The following ABLIM3 variants were observed in gnomAD, a reference collection of about 807,000 sequenced individuals.
ABLIM3 encodes actin-binding LIM protein 3.
ABLIM3 carries 61 observed loss-of-function variants against 109.5 expected under a neutral mutation model. The observed-to-expected ratio is 0.56, with a 90% CI of 0.45 to 0.69. The LOEUF (loss-of-function observed/expected upper bound fraction) is 0.69. Ranked by LOEUF, ABLIM3 falls within the 30% of genes least tolerant of loss-of-function variation. The pLI is 0.00. For missense variants in ABLIM3, 796 were observed against 889.5 expected (o/e 0.89, Z 1.34); for synonymous variants, 300 against 324.8 (o/e 0.92, Z 0.82).
At chr5:149,182,603 G>A (rs1413893070) in intron 2 of ABLIM3, among the ~76,000 whole-genome samples, 1 of 152,092 alleles carries the variant, frequency 6.6e-6, no homozygotes, top group Non-Finnish European at 1.5e-5. Context: ...TCAGGAAAAG[G>A]GTATCTAGAA....
chr5:149,227,909 T>C (rs759969350), intron 8 of ABLIM3, among the ~76,000 whole-genome samples: 1 of 152,236 alleles, frequency 6.6e-6, no homozygotes, highest in Non-Finnish European at 1.5e-5. Context: ...GATATATCTG[T>C]AGGTATAACA....
rs180837711 is a variant in ABLIM3, at chr5:149,146,333, T to A, written c.13+4225T>A. Among the ~76,000 whole-genome samples the A allele has an allele frequency of 2.0e-3, 303 of 152,326 alleles. 2 individuals carry two copies. Among genetic ancestry groups the A allele is most frequent in the African/African-American group, 6.9e-3 (287 of 41,572 alleles). On this transcript the variant is annotated intron_variant, in intron 2 of 23. Coordinates refer to ENST00000309868, the MANE Select transcript of ABLIM3 (RefSeq NM_014945.5). The stretch of plus-strand genomic sequence containing the variant: ...CTTTAGTTTAATTAGGTCCCAGTTG[T>A]CGATTTTTGTTTTTGTTACAATTGC...
At chr5:149,252,243 G>T (rs1581249810) in intron 22 of ABLIM3, 35 bp downstream of exon 22, 1 of 1,609,484 alleles carries the variant, frequency 6.2e-7, no homozygotes, top group East Asian at 2.2e-5. Flanking sequence ...GGGTCTCCAG[G>T]ATTCTTGGAG....
At chr5:149,210,847 T>G in intron 7 of ABLIM3, 28 bp downstream of exon 7, 2 of 1,602,098 alleles carry the variant, frequency 1.2e-6, no homozygotes, top group Non-Finnish European at 1.7e-6. Context: ...ACCGTGAAGA[T>G]GTGGCAGGGT....
intron 6 of ABLIM3, among the ~76,000 whole-genome samples, chr5:149,207,876 T>C (rs1210607112): frequency 6.6e-6 from 1 of 152,232 alleles, no homozygotes; most frequent in African/African-American, 2.4e-5. Flanking sequence ...ATTAGACAAG[T>C]GTCCTCTTGT....
intron 18 of ABLIM3, among the ~76,000 whole-genome samples, chr5:149,248,560 G>A (rs1308864550): frequency 1.3e-5 from 2 of 151,816 alleles, no homozygotes; most frequent in Admixed American, 1.3e-4. Flanking sequence ...GCATGGTGGT[G>A]GGCACCTGTA....
chr5:149,176,301 A>G (rs1218145524), intron 2 of ABLIM3, among the ~76,000 whole-genome samples: 4 of 152,186 alleles, frequency 2.6e-5, no homozygotes, highest in Non-Finnish European at 5.9e-5. Context: ...TTCCTGGCCT[A>G]TATTCTAGTC....
intron 7 of ABLIM3, among the ~76,000 whole-genome samples, chr5:149,213,713 G>C (rs1759783548): frequency 6.6e-6 from 1 of 152,138 alleles, no homozygotes; most frequent in African/African-American, 2.4e-5. Flanking sequence ...AGTTACCGTT[G>C]TTTAGCATTG....
At chr5:149,147,907 A>C (rs946957141) in intron 2 of ABLIM3, among the ~76,000 whole-genome samples, 7 of 152,156 alleles carry the variant, frequency 4.6e-5, no homozygotes, top group Non-Finnish European at 1.0e-4. Flanking sequence ...CACAGCTGGC[A>C]TCATGTCAGT....
intron 5 of ABLIM3, 150 bp downstream of exon 5, chr5:149,200,578 T>A: frequency 1.4e-6 from 1 of 712,292 alleles, no homozygotes; most frequent in Non-Finnish European, 2.4e-6. Flanking sequence ...CCCATTGGCA[T>A]GTGGCCCAGA....
Position 149,259,731 on chromosome 5 carries a change from G to T in ABLIM3, c.*1327G>T, listed in dbSNP as rs976627735. 1.2e-6 allele frequency: 1 copy of T among 837,662 alleles called. No homozygotes were observed. The highest frequency in any genetic ancestry group is 1.9e-6 in the Non-Finnish European group (1 of 538,502). The allele number at this position is 837,662 out of a possible 1,614,324, so 51.9% of individuals were successfully genotyped here. On this transcript the variant is annotated 3_prime_UTR_variant, in exon 24 of 24. Transcript: ENST00000309868. Reference sequence around the variant, plus strand: ...CTTGAATGGGTAATGTTTGGTGGGGGCTGTTCCTTCTTGGAGAAGCCTTGA... The same window carrying T: ...CTTGAATGGGTAATGTTTGGTGGGGTCTGTTCCTTCTTGGAGAAGCCTTGA...
chr5:149,205,823 C>A (rs1056920652), intron 5 of ABLIM3, among the ~76,000 whole-genome samples: 1 of 152,212 alleles, frequency 6.6e-6, no homozygotes, highest in Non-Finnish European at 1.5e-5. Context: ...ACTGTGGGAA[C>A]TGACTCATAC....
At chr5:149,215,553 G>A (rs766949324) in intron 7 of ABLIM3, among the ~76,000 whole-genome samples, 5 of 151,940 alleles carry the variant, frequency 3.3e-5, no homozygotes, top group African/African-American at 4.8e-5. Flanking sequence ...AACTAAGTTT[G>A]GAAATAGGTC....
At chr5:149,251,761 C>T (rs765009476) in intron 21 of ABLIM3, among the ~76,000 whole-genome samples, 7 of 152,166 alleles carry the variant, frequency 4.6e-5, no homozygotes, top group Admixed American at 3.9e-4. Context: ...GCACACTGTT[C>T]CCAGTAAGAA....
chr5:149,246,196 C>T (rs1375396154), intron 16 of ABLIM3, among the ~76,000 whole-genome samples: 2 of 151,896 alleles, frequency 1.3e-5, no homozygotes, highest in Non-Finnish European at 1.5e-5. Flanking sequence ...ATGACTCGTT[C>T]GCTACTCTCA....
Position 149,259,319 on chromosome 5 carries a change from T to TAC in ABLIM3, c.*917_*918dup. On this transcript the variant is annotated 3_prime_UTR_variant, in exon 24 of 24. Transcript: ENST00000309868. Reference sequence around the variant, plus strand: ...TGCAGCTTGTATTCTTTAGCCTTATTACAATCTATGTGCCTGACAACTCAA... The same window carrying TAC: ...TGCAGCTTGTATTCTTTAGCCTTATTACACAATCTATGTGCCTGACAACTCAA... 2 of 1,419,962 alleles carry TAC rather than the reference T, an allele frequency of 1.4e-6. No individual in the cohort carries two copies. The highest frequency in any genetic ancestry group is 1.8e-6 in the Non-Finnish European group (2 of 1,089,792). 88.0% of individuals were successfully genotyped at this position (1,419,962 alleles called of 1,614,324 possible).
chr5:149,198,485 T>C lies in ABLIM3; in HGVS notation c.335+83T>C. The C allele has an allele frequency of 4.1e-6, 6 of 1,461,130 alleles. No individual in the cohort carries two copies. The South Asian group carries it at 8.6e-5, about 21-fold the overall frequency. The allele number at this position is 1,461,130 out of a possible 1,614,324, so 90.5% of individuals were successfully genotyped here. A position where few individuals can be genotyped will look rare whatever the true frequency, so the allele number is the denominator to read the frequency against. On this transcript the variant is annotated intron_variant, in intron 4 of 23. Transcript: ENST00000309868. The surrounding 1 kb of genome is among the most constrained non-coding windows in gnomAD (Gnocchi z 4.2). ...AGACCTGGCTTTTTCCAGGAAGTTCTGGGGTTTACAAGGTTTGTGCTGCAC... is the reference window on the plus strand; with the variant it reads ...AGACCTGGCTTTTTCCAGGAAGTTCCGGGGTTTACAAGGTTTGTGCTGCAC...
At chr5:149,192,149 C>T (rs1757537300) in intron 3 of ABLIM3, among the ~76,000 whole-genome samples, 1 of 151,868 alleles carries the variant, frequency 6.6e-6, no homozygotes, top group African/African-American at 2.4e-5. Flanking sequence ...TTCTGTTCAA[C>T]ATTTGGCCTG....
At position 149,198,546 on chromosome 5, in the gene ABLIM3, T is replaced by C. The variant is rs1431718244; in HGVS notation, c.335+144T>C. The C allele has an allele frequency of 3.2e-6, 3 of 942,106 alleles. No homozygotes were observed. The highest frequency in any genetic ancestry group is 4.6e-6 in the Non-Finnish European group (3 of 649,020). 58.4% of individuals were successfully genotyped at this position (942,106 alleles called of 1,614,324 possible). A position where few individuals can be genotyped will look rare whatever the true frequency, so the allele number is the denominator to read the frequency against. ...CTGGAACCTCAGGTGTGGAGGGATC[T>C]GATGGGCCAGTGGTTTTCAAACACT... On this transcript the variant is annotated intron_variant, in intron 4 of 23. Transcript: ENST00000309868. The surrounding 1 kb of genome is among the most constrained non-coding windows in gnomAD (Gnocchi z 4.2).
Sources: allele counts gnomAD v4.1 joint callset (sites outside exome capture counted in the v4.1 genomes callset), GRCh38; gene constraint gnomAD v4.1.1; non-coding constraint Gnocchi (gnomAD v3.1); transcripts MANE v1.5; gene names NCBI Gene and HGNC (gene_info 2026-07-23, HGNC 2026-07-21).